TFCP2L1: variants seen among roughly 807,000 people sequenced by gnomAD.
TFCP2L1 encodes transcription factor CP2 like 1.
TFCP2L1 carries 12 observed loss-of-function variants against 72.2 expected under a neutral mutation model. That is an observed-to-expected ratio of 0.17 (90% CI 0.11 to 0.27). TFCP2L1 has a LOEUF of 0.27. Among genes scored for constraint, TFCP2L1 ranks in the 10% least tolerant of loss-of-function variants. TFCP2L1 has a pLI of 1.00. For synonymous variants in TFCP2L1, 260 were observed against 251.0 expected, an observed-to-expected ratio of 1.04 and a Z score of -0.34; for missense variants, 488 against 624.6, an observed-to-expected ratio of 0.78 and a Z score of 2.33.
At chr2:121,275,601 C>T (rs1402782539) in intron 2 of TFCP2L1, among the ~76,000 whole-genome samples, 1 of 133,518 alleles carries the variant, frequency 7.5e-6, no homozygotes, top group East Asian at 2.4e-4. Flanking sequence ...GACAGGGTCT[C>T]GTTCTATCAC....
chr2:121,237,763 G>A (rs780101722), intron 9 of TFCP2L1, 39 bp downstream of exon 9: 51 of 1,613,910 alleles, frequency 3.2e-5, no homozygotes, highest in East Asian at 4.5e-5. Flanking sequence ...CAGGGCCCAC[G>A]AGGGACCACC....
Position 121,220,526 on chromosome 2 carries a change from G to A in TFCP2L1, c.*3815C>T, listed in dbSNP as rs189486598. On this transcript the variant is annotated 3_prime_UTR_variant, in exon 15 of 15. Coordinates refer to ENST00000263707, the MANE Select transcript of TFCP2L1 (RefSeq NM_014553.3). ...ACTCAGCTTTGGGCTTCCAGTTCAA[G>A]ATGGTGGCCTGAGCACATGTGTCTG... is the stretch of plus-strand genomic sequence containing the variant. 6.6e-6 allele frequency: 1 copy of A among 152,362 alleles called. No individual in the cohort carries two copies. Among genetic ancestry groups the A allele is most frequent in the East Asian group, 1.9e-4 (1 of 5,182 alleles). The allele number at this position is 152,362 out of a possible 1,614,324, so 9.4% of individuals were successfully genotyped here.
At chr2:121,257,166 G>C (rs773634105) in intron 2 of TFCP2L1, among the ~76,000 whole-genome samples, 44 of 152,190 alleles carry the variant, frequency 2.9e-4, no homozygotes, top group Non-Finnish European at 4.6e-4. Context: ...TGCCAGCCCA[G>C]CCCAGAGGAG....
In TFCP2L1 at chr2:121,238,840, A is replaced by G. The variant is rs559724548; in HGVS notation, c.860+718T>C. Among the ~76,000 whole-genome samples, 7 of 152,134 alleles carry G rather than the reference A, an allele frequency of 4.6e-5. No homozygotes were observed. In the East Asian group the frequency reaches 1.4e-3, roughly 30 times the overall value. The stretch of plus-strand genomic sequence containing the variant: ...CCGCTTCCCTGGGGACTCCTTGGTA[A>G]AATCAAGTTCACAGACAATCTCGCT... On this transcript the variant is annotated intron_variant, in intron 8 of 14. Transcript: ENST00000263707.
chr2:121,279,347 C>T (rs902069686), intron 2 of TFCP2L1, among the ~76,000 whole-genome samples: 6 of 152,216 alleles, frequency 3.9e-5, no homozygotes, highest in Non-Finnish European at 1.5e-5. Flanking sequence ...TTCCACACAG[C>T]GGCACAGATG....
rs1416088366 is a variant in TFCP2L1 at position 121,232,106 on chromosome 2, C to CG, written c.1199-139_1199-138insC. ...GGCGGGGCAGGACCACACTGCCACT[C>CG]TTTTTGTTTTGTTTTGTTTTGTTTT... On this transcript the variant is annotated intron_variant, in intron 12 of 14. Coordinates refer to ENST00000263707, the MANE Select transcript of TFCP2L1 (RefSeq NM_014553.3). 2.4e-4 allele frequency: 183 copies of CG among 747,704 alleles called. 3 individuals are homozygous for CG. The Middle Eastern group carries it at 3.2e-3, about 13-fold the overall frequency. 46.3% of individuals were successfully genotyped at this position (747,704 alleles called of 1,614,324 possible). A position where few individuals can be genotyped will look rare whatever the true frequency, so the allele number is the denominator to read the frequency against.
In TFCP2L1 at chr2:121,219,453, G is replaced by A. The variant is rs1430801399; in HGVS notation, c.*4888C>T. 2.0e-5 allele frequency: 3 copies of A among 152,272 alleles called. No individual in the cohort carries two copies. The allele number at this position is 152,272 out of a possible 1,614,324, so 9.4% of individuals were successfully genotyped here. A position where few individuals can be genotyped will look rare whatever the true frequency, so the allele number is the denominator to read the frequency against. The stretch of plus-strand genomic sequence containing the variant: ...AAGGAATATCTGGGAGCCCCCATAA[G>A]TTTGCGGAGGAAGTAGTCAGCCCAG... On this transcript the variant is annotated 3_prime_UTR_variant, in exon 15 of 15. Coordinates refer to ENST00000263707, the MANE Select transcript of TFCP2L1 (RefSeq NM_014553.3).
At chr2:121,272,581 C>T (rs1687066805) in intron 2 of TFCP2L1, among the ~76,000 whole-genome samples, 1 of 152,152 alleles carries the variant, frequency 6.6e-6, no homozygotes, top group African/African-American at 2.4e-5. Flanking sequence ...TTAGAGCCAA[C>T]CCTGTGTTAA....
At position 121,237,654 on chromosome 2, in the gene TFCP2L1, C is replaced by A. The variant is rs772260501; in HGVS notation, c.972G>T (p.Ser324=). ...AGCTGGCAAAGAGCCGGCAGAACTG[C>A]GAGAACCTGTTGCGGTGAAGCCACT... is the stretch of plus-strand genomic sequence containing the variant. ...AQQWLHRNRF[S]QFCRLFASFS... The change falls in exon 10 of 15, where the codon TCG becomes TCT. Residue 324 remains serine (S), a synonymous_variant. Transcript: ENST00000263707. 1.9e-6 allele frequency: 3 copies of A among 1,614,200 alleles called. No homozygotes were observed. Among genetic ancestry groups the A allele is most frequent in the African/African-American group, 1.3e-5 (1 of 75,060 alleles).
At chr2:121,238,024 A>G (rs1158607811) in intron 8 of TFCP2L1, among the ~76,000 whole-genome samples, 174 bp from the exon 9 acceptor site, 2 of 152,198 alleles carry the variant, frequency 1.3e-5, no homozygotes, top group Non-Finnish European at 2.9e-5. Context: ...CCAATGTCCA[A>G]TCCCTCAAAA....
intron 2 of TFCP2L1, among the ~76,000 whole-genome samples, chr2:121,250,694 C>T (rs1226958439): frequency 1.3e-5 from 2 of 151,068 alleles, no homozygotes; most frequent in African/African-American, 4.8e-5. Flanking sequence ...GCAACCTCCG[C>T]CTTGTGGGTT....
At chr2:121,235,390 A>G in intron 10 of TFCP2L1, 79 bp from the exon 11 acceptor site, 1 of 1,401,912 alleles carries the variant, frequency 7.1e-7, no homozygotes, top group Non-Finnish European at 1.0e-6. Context: ...TGCAGACCCC[A>G]TAGCACTGGG....
Position 121,275,927 on chromosome 2 carries a change from TA to T in TFCP2L1, c.214+5192del, listed in dbSNP as rs1349730771. ...GTAAGAATAAATTATTGGGAACGGC[TA>T]AAAAGAATACTGAGAGGAACCTCTC... On this transcript the variant is annotated intron_variant, in intron 2 of 14. Transcript: ENST00000263707. Among the ~76,000 whole-genome samples the T allele has an allele frequency of 6.6e-5, 10 of 152,284 alleles. No individual in the cohort carries two copies. The East Asian group carries it at 1.9e-3, about 29-fold the overall frequency.
chr2:121,285,180 C>G lies in TFCP2L1; in HGVS notation c.-71G>C. The stretch of plus-strand genomic sequence containing the variant: ...GACGCGGGGCGCGCCGAGGACCCAG[C>G]GGCGGCTTCGCGCTCCGAACCCGCG... On this transcript the variant is annotated 5_prime_UTR_variant, in exon 1 of 15. Coordinates refer to ENST00000263707, the MANE Select transcript of TFCP2L1 (RefSeq NM_014553.3). 4 of 1,300,218 alleles carry G rather than the reference C, an allele frequency of 3.1e-6. No homozygotes were observed. In the South Asian group the frequency reaches 6.3e-5, roughly 21 times the overall value. The allele number at this position is 1,300,218 out of a possible 1,614,324, so 80.5% of individuals were successfully genotyped here.
rs1687253405 is a variant in TFCP2L1, at chr2:121,281,250, G to C, written c.84C>G (p.Ile28Met). ...SYLRDVLALP[I>M]FKQEEPQLSP... Reference sequence around the variant, plus strand: ...ACAGCTGGGGTTCCTCCTGCTTGAAGATGGGCAGAGCGAGCACATCACTGC... The same window carrying C: ...ACAGCTGGGGTTCCTCCTGCTTGAACATGGGCAGAGCGAGCACATCACTGC... The change falls in exon 2 of 15, where the codon ATC becomes ATG. Residue 28 changes from isoleucine to methionine, a missense_variant. Transcript: ENST00000263707. The C allele has an allele frequency of 1.2e-6, 2 of 1,609,164 alleles. No homozygotes were observed. The highest frequency in any genetic ancestry group is 4.5e-5 in the East Asian group (2 of 44,850).
chr2:121,284,062 A>G (rs1437903982), intron 1 of TFCP2L1, among the ~76,000 whole-genome samples: 1 of 152,224 alleles, frequency 6.6e-6, no homozygotes, highest in Non-Finnish European at 1.5e-5. Context: ...AGCAGCCAGG[A>G]ATTACAAATA....
At chr2:121,235,406 G>C in intron 10 of TFCP2L1, 95 bp from the exon 11 acceptor site, 1 of 1,261,640 alleles carries the variant, frequency 7.9e-7, no homozygotes, top group Non-Finnish European at 1.1e-6. Flanking sequence ...CTGGGGGTGG[G>C]GGGTGGGGAA....
chr2:121,278,410 G>A (rs1263675437), intron 2 of TFCP2L1, among the ~76,000 whole-genome samples: 1 of 149,706 alleles, frequency 6.7e-6, no homozygotes, highest in Admixed American at 6.6e-5. Flanking sequence ...AGTAGGCTGG[G>A]CACAGTGGCT....
At chr2:121,226,375 A>C in intron 13 of TFCP2L1, among the ~76,000 whole-genome samples, 1 of 151,742 alleles carries the variant, frequency 6.6e-6, no homozygotes, top group East Asian at 1.9e-4. Context: ...ATACTGGACC[A>C]CTGATTTATG....
Sources: allele counts gnomAD v4.1 joint callset (sites outside exome capture counted in the v4.1 genomes callset), GRCh38; gene constraint gnomAD v4.1.1; transcripts MANE v1.5; gene names NCBI Gene and HGNC (gene_info 2026-07-23, HGNC 2026-07-21).